Variants in ALCAM observed in about 807,000 individuals in gnomAD.
The protein encoded by ALCAM is CD166 antigen.
In ALCAM, 30 loss-of-function variants were observed where a neutral mutation model predicts 70.9. That is an observed-to-expected ratio of 0.42 (90% CI 0.32 to 0.57). ALCAM has a LOEUF of 0.57. Among genes scored for constraint, ALCAM ranks in the 20% least tolerant of loss-of-function variants. ALCAM has a pLI of 0.11. For missense variants in ALCAM, 591 were observed against 695.1 expected, an observed-to-expected ratio of 0.85 and a Z score of 1.68; for synonymous variants, 249 against 242.5, an observed-to-expected ratio of 1.03 and a Z score of -0.25.
intron 1 of ALCAM, among the ~76,000 whole-genome samples, chr3:105,486,950 C>G (rs1938445096): frequency 1.3e-5 from 1 of 76,056 alleles, no homozygotes; most frequent in South Asian, 4.8e-4. Context: ...CTGCACAGAG[C>G]ATAAGACATT....
At chr3:105,552,058 T>C in intron 12 of ALCAM, 86 bp from the exon 13 acceptor site, 1 of 911,244 alleles carries the variant, frequency 1.1e-6, no homozygotes, top group East Asian at 2.7e-5. Context: ...CTTTGAGTAT[T>C]ATTACATCAT....
intron 1 of ALCAM, 94 bp from the exon 2 acceptor site, chr3:105,519,973 A>T: frequency 1.4e-6 from 1 of 720,092 alleles, no homozygotes. Flanking sequence ...CTTCATCGAC[A>T]TGCATCTTGA....
chr3:105,513,510 A>G (rs544553311), intron 1 of ALCAM: 61 of 152,066 alleles, frequency 4.0e-4, no homozygotes, highest in African/African-American at 1.3e-3. Context: ...CTCCCCTCTC[A>G]CTACCCTGTA....
intron 1 of ALCAM, among the ~76,000 whole-genome samples, chr3:105,462,240 A>C (rs1469203369): frequency 1.3e-5 from 2 of 151,642 alleles, no homozygotes; most frequent in Non-Finnish European, 3.0e-5. Context: ...ACAAGTATTA[A>C]AATCAATGTA....
intron 7 of ALCAM, 90 bp from the exon 8 acceptor site, chr3:105,541,543 C>A: frequency 7.3e-7 from 1 of 1,363,560 alleles, no homozygotes; most frequent in South Asian, 1.4e-5. Context: ...TTTTATCTTA[C>A]TTGATAAAAT....
intron 3 of ALCAM, among the ~76,000 whole-genome samples, chr3:105,527,300 AAGGCTGT>A (rs1209075343): frequency 6.6e-6 from 1 of 152,130 alleles, no homozygotes; most frequent in African/African-American, 2.4e-5. Context: ...AGAGAGCCAG[AAGGCTGT>A]TGGTGAGATG....
chr3:105,573,710 T>C (rs1940904144), intron 15 of ALCAM, among the ~76,000 whole-genome samples: 1 of 152,208 alleles, frequency 6.6e-6, no homozygotes, highest in Non-Finnish European at 1.5e-5. Context: ...ATGTGTCCTT[T>C]AGAATAACTG....
intron 1 of ALCAM, among the ~76,000 whole-genome samples, chr3:105,403,513 C>A (rs1936144577): frequency 6.6e-6 from 1 of 152,058 alleles, no homozygotes; most frequent in Non-Finnish European, 1.5e-5. Context: ...TCTCAGGAAG[C>A]CCCACTCCTA....
chr3:105,495,932 G>A (rs937901378), intron 1 of ALCAM, among the ~76,000 whole-genome samples: 1 of 152,206 alleles, frequency 6.6e-6, no homozygotes, highest in African/African-American at 2.4e-5. Flanking sequence ...ACAATTGGCT[G>A]TTCTCAAAGC....
intron 1 of ALCAM, among the ~76,000 whole-genome samples, chr3:105,371,684 T>C (rs1463429194): frequency 6.6e-6 from 1 of 152,114 alleles, no homozygotes; most frequent in Non-Finnish European, 1.5e-5. Flanking sequence ...GTTTTACAAT[T>C]CCAAACACAC....
At chr3:105,431,133 C>A (rs1270290657) in intron 1 of ALCAM, among the ~76,000 whole-genome samples, 2 of 147,202 alleles carry the variant, frequency 1.4e-5, no homozygotes, top group African/African-American at 5.0e-5. Flanking sequence ...CCACTTATAT[C>A]CTTCGAAACA....
chr3:105,435,931 T>C (rs1937039193), intron 1 of ALCAM, among the ~76,000 whole-genome samples: 1 of 152,142 alleles, frequency 6.6e-6, no homozygotes, highest in African/African-American at 2.4e-5. Context: ...AGAGGTTTAA[T>C]GGACTTAACA....
At chr3:105,408,627 G>C (rs1936309082) in intron 1 of ALCAM, among the ~76,000 whole-genome samples, 2 of 152,046 alleles carry the variant, frequency 1.3e-5, no homozygotes. Flanking sequence ...AACCTCTCTA[G>C]ACATTGAGTT....
intron 1 of ALCAM, among the ~76,000 whole-genome samples, chr3:105,474,111 G>A (rs1374633814): frequency 6.6e-6 from 1 of 150,958 alleles, no homozygotes; most frequent in East Asian, 2.0e-4. Flanking sequence ...CTCAGTAATT[G>A]GGAAAGTATC....
At chr3:105,426,246 G>T (rs1427684747) in intron 1 of ALCAM, among the ~76,000 whole-genome samples, 1 of 151,840 alleles carries the variant, frequency 6.6e-6, no homozygotes, top group Non-Finnish European at 1.5e-5. Context: ...TTTACCTAGT[G>T]TCAAATCAAA....
intron 14 of ALCAM, among the ~76,000 whole-genome samples, chr3:105,563,380 T>C (rs1266958243): frequency 6.8e-6 from 1 of 146,526 alleles, no homozygotes; most frequent in Non-Finnish European, 1.5e-5. Flanking sequence ...GCTTTTTTTA[T>C]CTCTATTGCT....
At chr3:105,437,280 A>G (rs1197101330) in intron 1 of ALCAM, among the ~76,000 whole-genome samples, 1 of 152,244 alleles carries the variant, frequency 6.6e-6, no homozygotes, top group Non-Finnish European at 1.5e-5. Flanking sequence ...TGTTGCCTAT[A>G]ACAGAAATAT....
intron 7 of ALCAM, among the ~76,000 whole-genome samples, chr3:105,540,328 C>T (rs545922334): frequency 6.6e-6 from 1 of 151,970 alleles, no homozygotes; most frequent in East Asian, 1.9e-4. Flanking sequence ...CCACAGGAAA[C>T]CATAATTGCA....
chr3:105,414,703 G>A (rs1035656261), intron 1 of ALCAM, among the ~76,000 whole-genome samples: 3 of 152,086 alleles, frequency 2.0e-5, no homozygotes, highest in African/African-American at 7.2e-5. Flanking sequence ...AATGAGCTAA[G>A]GGTCAGAATA....
Sources: gnomAD v4.1 joint callset for allele counts (sites outside exome capture counted in the v4.1 genomes callset) on GRCh38, gnomAD v4.1.1 for gene constraint, MANE v1.5 for transcripts, NCBI Gene and HGNC (gene_info 2026-07-23, HGNC 2026-07-21) for gene names.